The following HAL variants were observed in gnomAD, a reference collection of about 807,000 sequenced individuals.
HAL encodes the protein histidine ammonia-lyase, also known as histidase.
Under a neutral mutation model 81.1 loss-of-function variants are expected in HAL, and 85 were observed. That is an observed-to-expected ratio of 1.05 (90% CI 0.88 to 1.25). The LOEUF (loss-of-function observed/expected upper bound fraction) is 1.25, where lower values mean the gene tolerates loss of function less well. Ranked by LOEUF, HAL falls within the 50% of genes most tolerant of loss-of-function variation. HAL has a pLI of 0.00. For missense variants in HAL, 798 were observed against 836.6 expected, an observed-to-expected ratio of 0.95 and a Z score of 0.57; for synonymous variants, 301 against 309.2, an observed-to-expected ratio of 0.97 and a Z score of 0.28.
chr12:95,995,622 C>T lies in HAL; in HGVS notation c.247+42G>A, dbSNP rs761646122. The T allele has an allele frequency of 5.6e-6, 9 of 1,609,900 alleles. No individual in the cohort carries two copies. In the Admixed American group the frequency reaches 6.7e-5, roughly 12 times the overall value. On this transcript the variant is annotated intron_variant, in intron 2 of 20. Coordinates refer to ENST00000261208, the MANE Select transcript of HAL (RefSeq NM_002108.4). ...TCAATGCTGCAAAGACTAAGCCAGGCCAAACCGCACCCGTTCGCGGCCCTC... is the reference window on the plus strand; with the variant it reads ...TCAATGCTGCAAAGACTAAGCCAGGTCAAACCGCACCCGTTCGCGGCCCTC...
chr12:95,976,639 A>C lies in HAL; in HGVS notation c.1722T>G (p.Thr574=). The change falls in exon 19 of 21, where the codon ACT becomes ACG. Residue 574 remains threonine, a synonymous_variant. Coordinates refer to ENST00000261208, the MANE Select transcript of HAL (RefSeq NM_002108.4). ...IEFLRPLKTT[T]PLEKVYDLVR... is the part of the protein sequence containing the mutation. ...CCAGGTCATAGACCTTCTCCAGCGG[A>C]GTGGTTGTTTTCAGGGGACGTAGAA... 1 of 1,613,128 alleles carries C rather than the reference A, an allele frequency of 6.2e-7. No individual in the cohort carries two copies. The highest frequency in any genetic ancestry group is 8.5e-7 in the Non-Finnish European group (1 of 1,179,062).
intron 17 of HAL, among the ~76,000 whole-genome samples, chr12:95,980,339 A>T (rs1056487223): frequency 6.6e-6 from 1 of 152,226 alleles, no homozygotes; most frequent in African/African-American, 2.4e-5. Flanking sequence ...TTATTGTATT[A>T]TTATATTTCA....
chr12:95,987,440 C>T (rs1010191300), intron 11 of HAL, among the ~76,000 whole-genome samples: 1 of 152,178 alleles, frequency 6.6e-6, no homozygotes. Context: ...AAATGAAACA[C>T]TCATTAAGTA....
intron 4 of HAL, 64 bp from the exon 5 acceptor site, chr12:95,994,228 C>T (rs1950006049): frequency 9.5e-7 from 1 of 1,047,482 alleles, no homozygotes; most frequent in Non-Finnish European, 1.5e-6. Context: ...AGAGTAGGGA[C>T]ACCTCCAACA....
In HAL at chr12:95,993,973, A is replaced by T. The variant is rs1292444673; in HGVS notation, c.437T>A (p.Val146Glu). ...ATCTATGACCTCCCTGGATTTCTGC[A>T]CCCTCTTCTCAGCTGTTGGGGTGAG... is the stretch of plus-strand genomic sequence containing the variant. Reference protein sequence around the residue: ...IKLTPTAEKRVQKSREVIDSI... With the variant: ...IKLTPTAEKREQKSREVIDSI... Residue 146 changes from valine (V) to glutamate (E), a missense_variant, in exon 6 of 21, where the codon GTG (valine) becomes GAG (glutamate). Physicochemically the swap from Val to Glu is moderately radical, Grantham distance 121. Coordinates refer to ENST00000261208, the MANE Select transcript of HAL (RefSeq NM_002108.4). 4 of 1,611,922 alleles carry T rather than the reference A, an allele frequency of 2.5e-6. No homozygotes were observed. Among genetic ancestry groups the T allele is most frequent in the Non-Finnish European group, 3.4e-6 (4 of 1,178,042 alleles).
chr12:95,996,123 G>T lies in HAL; in HGVS notation c.-127C>A, dbSNP rs11108369. On this transcript the variant is annotated 5_prime_UTR_variant, in exon 1 of 21. Coordinates refer to ENST00000261208, the MANE Select transcript of HAL (RefSeq NM_002108.4). Reference sequence around the variant, plus strand: ...GTAGCCGAGCAGGGGCAGGAGCAGGGGATGCAGACGGGTGAGCCTCCTGTC... The same window carrying T: ...GTAGCCGAGCAGGGGCAGGAGCAGGTGATGCAGACGGGTGAGCCTCCTGTC... 6,943 of 582,030 alleles carry T rather than the reference G, an allele frequency of 0.012. 343 individuals carry two copies. Among genetic ancestry groups the T allele is most frequent in the African/African-American group, 0.11 (5,942 of 54,134 alleles). 36.1% of individuals were successfully genotyped at this position (582,030 alleles called of 1,614,324 possible). A position where few individuals can be genotyped will look rare whatever the true frequency, so the allele number is the denominator to read the frequency against.
chr12:95,990,015 A>G (rs1456161637), intron 10 of HAL: 1 of 281,900 alleles, frequency 3.5e-6, no homozygotes, highest in African/African-American at 2.2e-5. Flanking sequence ...GCTTTCCAGA[A>G]GCCATATAGT....
Position 95,996,216 on chromosome 12 carries a change from C to T in HAL, c.-220G>A. 2.5e-6 allele frequency: 1 copy of T among 400,162 alleles called. No homozygotes were observed. The highest frequency in any genetic ancestry group is 4.7e-6 in the Non-Finnish European group (1 of 211,948). 24.8% of individuals were successfully genotyped at this position (400,162 alleles called of 1,614,324 possible). ...CCACCCTGGGAGGTGCTGTTCTTGT[C>T]CCTGATGGCACCTACCTGCTGCTGG... On this transcript the variant is annotated 5_prime_UTR_variant, in exon 1 of 21. Transcript: ENST00000261208.
At chr12:95,989,947 C>T (rs1025695342) in intron 10 of HAL, 6 of 232,000 alleles carry the variant, frequency 2.6e-5, no homozygotes, top group African/African-American at 1.4e-4. Context: ...AAAGCTTTAT[C>T]AAAAACAGGC....
intron 9 of HAL, among the ~76,000 whole-genome samples, chr12:95,991,972 A>G (rs190504203): frequency 6.6e-6 from 1 of 152,320 alleles, no homozygotes; most frequent in East Asian, 1.9e-4. Context: ...GCTGTTTGTG[A>G]CTGCCTCAGC....
At chr12:95,992,885 T>C in intron 8 of HAL, 80 bp from the exon 9 acceptor site, 1 of 865,288 alleles carries the variant, frequency 1.2e-6, no homozygotes, top group Non-Finnish European at 1.7e-6. Flanking sequence ...CTCCCTCCAA[T>C]CTTTCCCATA....
chr12:95,980,949 G>T, intron 15 of HAL, 86 bp from the exon 16 acceptor site: 1 of 823,308 alleles, frequency 1.2e-6, no homozygotes, highest in East Asian at 2.4e-5. Flanking sequence ...TAACGTGGAG[G>T]TGGCAGTCTG....
intron 7 of HAL, 33 bp from the exon 8 acceptor site, chr12:95,993,521 C>T: frequency 7.1e-7 from 1 of 1,414,588 alleles, no homozygotes; most frequent in Non-Finnish European, 1.0e-6. Flanking sequence ...CTCTTAGATA[C>T]ATTGCAGTGA....
chr12:95,994,895 C>G, intron 3 of HAL, 38 bp downstream of exon 3: 1 of 1,605,474 alleles, frequency 6.2e-7, no homozygotes, highest in Non-Finnish European at 8.5e-7. Context: ...GCAGGAGCCA[C>G]CCCCAGAGCA....
intron 18 of HAL, 87 bp downstream of exon 18, chr12:95,977,857 G>T: frequency 7.2e-7 from 1 of 1,382,530 alleles, no homozygotes; most frequent in South Asian, 1.2e-5. Context: ...AGGTGATGCT[G>T]ATGTTGCTGG....
rs758470158 is a variant in HAL at position 95,977,974 on chromosome 12, C to A, written c.1624G>T (p.Ala542Ser). Residue 542 changes from alanine (A) to serine (S), a missense_variant, in exon 18 of 21, where the codon GCC becomes TCC. Physicochemically the swap from Ala to Ser is moderately conservative, Grantham distance 99. Transcript: ENST00000261208. The stretch of plus-strand genomic sequence containing the variant: ...TCCACATGCTCGATGACCCTGAGGG[C>A]TTTCCTTGCTGCCCATCCTCCCATG... ...VSMGGWAARK[A>S]LRVIEHVEQV... 3.7e-5 allele frequency: 59 copies of A among 1,614,066 alleles called. No homozygotes were observed. The Admixed American group carries it at 9.8e-4, about 27-fold the overall frequency.
chr12:95,994,728 C>T (rs1431880175), intron 4 of HAL, 70 bp downstream of exon 4: 1 of 1,454,400 alleles, frequency 6.9e-7, no homozygotes, highest in Non-Finnish European at 9.7e-7. Context: ...CAGAAGTTTT[C>T]CTGGCTTTCC....
At chr12:95,980,420 C>T (rs2080776102) in intron 17 of HAL, 136 bp downstream of exon 17, 1 of 815,898 alleles carries the variant, frequency 1.2e-6, no homozygotes, top group Non-Finnish European at 2.1e-6. Flanking sequence ...TACCTTTGCA[C>T]TGAGAGAACT....
chr12:95,982,585 G>A (rs1184746907), intron 15 of HAL, among the ~76,000 whole-genome samples: 3 of 152,202 alleles, frequency 2.0e-5, no homozygotes, highest in Non-Finnish European at 4.4e-5. Flanking sequence ...GGTGAATGGA[G>A]AGACCCACAA....
Sources: allele counts gnomAD v4.1 joint callset (sites outside exome capture counted in the v4.1 genomes callset), GRCh38; gene constraint gnomAD v4.1.1; transcripts MANE v1.5; gene names NCBI Gene and HGNC (gene_info 2026-07-23, HGNC 2026-07-21).